Variants in TRIM24 observed in about 807,000 individuals in gnomAD.
TRIM24 encodes the protein tripartite motif containing 24.
In TRIM24, 29 loss-of-function variants were observed where a neutral mutation model predicts 123.9. The observed-to-expected ratio is 0.23, with a 90% CI of 0.17 to 0.32. TRIM24 has a LOEUF of 0.32. TRIM24 is among the 10% of genes least tolerant of loss of function. TRIM24 has a pLI of 1.00. For missense variants in TRIM24, 932 were observed against 1,295.3 expected, an observed-to-expected ratio of 0.72 and a Z score of 4.31; for synonymous variants, 456 against 461.1, an observed-to-expected ratio of 0.99 and a Z score of 0.14.
intron 2 of TRIM24, among the ~76,000 whole-genome samples, chr7:138,505,572 T>G (rs1411238336): frequency 6.6e-6 from 1 of 151,702 alleles, no homozygotes; most frequent in Non-Finnish European, 1.5e-5. Flanking sequence ...GGTCTCACTC[T>G]GTTGCCCAGT....
chr7:138,530,392 A>T (rs571209934), intron 6 of TRIM24, among the ~76,000 whole-genome samples: 2 of 152,296 alleles, frequency 1.3e-5, no homozygotes, highest in East Asian at 3.8e-4. Context: ...TACAAAGGAG[A>T]TGACCAGACT....
intron 2 of TRIM24, among the ~76,000 whole-genome samples, chr7:138,509,710 AAAAAAAAAAAAGGAAAAAG>A (rs1391900116): frequency 1.3e-5 from 2 of 150,678 alleles, no homozygotes; most frequent in Non-Finnish European, 3.0e-5. Flanking sequence ...TCAAAAAAAA[AAAAAAAAAAAAGGAAAAAG>A]AAAAGAAAAA....
chr7:138,471,251 T>C (rs1014211418), intron 1 of TRIM24, among the ~76,000 whole-genome samples: 3 of 152,286 alleles, frequency 2.0e-5, no homozygotes, highest in Non-Finnish European at 2.9e-5. Context: ...TTTTATTCCT[T>C]ATATGTTTTA....
At chr7:138,504,447 C>CTTTTTTT in intron 2 of TRIM24, 39 bp downstream of exon 2, 8 of 154,624 alleles carry the variant, frequency 5.2e-5, no homozygotes, top group South Asian at 1.4e-4. Flanking sequence ...CCTGCCAGCT[C>CTTTTTTT]TTTTTTTTTT....
At chr7:138,542,359 C>T (rs1797022235) in intron 7 of TRIM24, among the ~76,000 whole-genome samples, 2 of 152,024 alleles carry the variant, frequency 1.3e-5, no homozygotes, top group Non-Finnish European at 2.9e-5. Flanking sequence ...TCTGAGACTA[C>T]GGAGGCCTGA....
intron 2 of TRIM24, among the ~76,000 whole-genome samples, chr7:138,507,292 G>C (rs1796170315): frequency 6.6e-6 from 1 of 151,694 alleles, no homozygotes; most frequent in Admixed American, 6.6e-5. Flanking sequence ...TGCATACTCT[G>C]ATACTACACC....
intron 1 of TRIM24, among the ~76,000 whole-genome samples, chr7:138,503,722 C>T (rs1312455697): frequency 6.6e-6 from 1 of 151,802 alleles, no homozygotes; most frequent in Non-Finnish European, 1.5e-5. Context: ...GTGTGCTGCA[C>T]CCGTTAACTG....
intron 17 of TRIM24, among the ~76,000 whole-genome samples, chr7:138,582,154 C>T (rs1797908578): frequency 6.6e-6 from 1 of 152,166 alleles, no homozygotes; most frequent in African/African-American, 2.4e-5. Context: ...TAGGTCCAGA[C>T]TTCAAGTAAA....
Position 138,573,419 on chromosome 7 carries a change from T to G in TRIM24, c.1879-88T>G, listed in dbSNP as rs543556773. The G allele has an allele frequency of 2.6e-4, 293 of 1,126,068 alleles. No individual in the cohort carries two copies. In the African/African-American group the frequency reaches 4.3e-3, roughly 17 times the overall value. The allele number at this position is 1,126,068 out of a possible 1,614,324, so 69.8% of individuals were successfully genotyped here. A position where few individuals can be genotyped will look rare whatever the true frequency, so the allele number is the denominator to read the frequency against. Reference sequence around the variant, plus strand: ...ATGTTTTGTTATTCGATAATAATTATTAAGTTATTGAAGCTTTCTTATAAA... The same window carrying G: ...ATGTTTTGTTATTCGATAATAATTAGTAAGTTATTGAAGCTTTCTTATAAA... On this transcript the variant is annotated intron_variant, in intron 11 of 18. Coordinates refer to ENST00000343526, the MANE Select transcript of TRIM24 (RefSeq NM_015905.3).
chr7:138,507,421 T>A (rs1796173983), intron 2 of TRIM24, among the ~76,000 whole-genome samples: 1 of 149,666 alleles, frequency 6.7e-6, no homozygotes, highest in South Asian at 2.1e-4. Flanking sequence ...AGTGCAATGG[T>A]GAGGTCTTGG....
At chr7:138,525,403 T>G in intron 5 of TRIM24, 46 bp downstream of exon 5, 1 of 1,113,300 alleles carries the variant, frequency 9.0e-7, no homozygotes, top group Non-Finnish European at 1.2e-6. Context: ...ATTTGTTAAG[T>G]ATATTCACTT....
chr7:138,568,379 CTTTTTTTTTTTT>C lies in TRIM24; in HGVS notation c.1704+744_1704+755del, dbSNP rs60386130. 8.0e-4 allele frequency among the ~76,000 whole-genome samples: 55 copies of C among 68,708 alleles called. 1 individual carries two copies. The South Asian group carries it at 8.8e-3, about 11-fold the overall frequency. The allele number at this position is 68,708 out of a possible 152,430, so 45.1% of individuals were successfully genotyped here. On this transcript the variant is annotated intron_variant, in intron 10 of 18. Transcript: ENST00000343526. ...CTCGTAAGCCACCGTACCTGGCCTC[CTTTTTTTTTTTT>C]TTTTTTTTTTTTTTTTTTAAAGTCT...
chr7:138,480,134 T>A (rs1323678214), intron 1 of TRIM24, among the ~76,000 whole-genome samples: 2 of 152,174 alleles, frequency 1.3e-5, no homozygotes, highest in East Asian at 3.9e-4. Context: ...ATTAAGTTTT[T>A]AAATTTTTTT....
At chr7:138,484,708 A>G (rs1795607785) in intron 1 of TRIM24, among the ~76,000 whole-genome samples, 1 of 151,998 alleles carries the variant, frequency 6.6e-6, no homozygotes, top group Non-Finnish European at 1.5e-5. Context: ...AAAATGAATT[A>G]CAGAGTGCTA....
chr7:138,555,649 A>AT (rs1480138056), intron 9 of TRIM24, among the ~76,000 whole-genome samples: 7 of 151,630 alleles, frequency 4.6e-5, no homozygotes, highest in Non-Finnish European at 1.0e-4. Flanking sequence ...CACCCGGCTA[A>AT]TTTTTTGTAT....
At chr7:138,510,166 G>T (rs1338906663) in intron 2 of TRIM24, among the ~76,000 whole-genome samples, 4 of 152,232 alleles carry the variant, frequency 2.6e-5, no homozygotes, top group Non-Finnish European at 5.9e-5. Flanking sequence ...CCGACTATGA[G>T]AATCAAGTGC....
chr7:138,486,041 G>A (rs570463550), intron 1 of TRIM24, among the ~76,000 whole-genome samples: 260 of 152,290 alleles, frequency 1.7e-3, no homozygotes, highest in African/African-American at 6.0e-3. Context: ...TCTAACTGGT[G>A]TGAGATGGTA....
At chr7:138,531,238 C>G (rs1210022028) in intron 6 of TRIM24, among the ~76,000 whole-genome samples, 1 of 146,712 alleles carries the variant, frequency 6.8e-6, no homozygotes, top group Non-Finnish European at 1.5e-5. Flanking sequence ...ATACATGTTA[C>G]ACGTTACATG....
At chr7:138,543,690 TTCAG>T (rs1291656817) in intron 7 of TRIM24, among the ~76,000 whole-genome samples, 3 of 152,226 alleles carry the variant, frequency 2.0e-5, no homozygotes, top group Non-Finnish European at 4.4e-5. Context: ...AAATTATTGT[TTCAG>T]TCAAACAGAT....
Sources: gnomAD v4.1 joint callset for allele counts (sites outside exome capture counted in the v4.1 genomes callset) on GRCh38, gnomAD v4.1.1 for gene constraint, MANE v1.5 for transcripts, NCBI Gene and HGNC (gene_info 2026-07-23, HGNC 2026-07-21) for gene names.